The following CNBD1 variants were observed in gnomAD, a reference collection of about 807,000 sequenced individuals.
CNBD1 encodes the protein cyclic nucleotide-binding domain-containing protein 1.
CNBD1 carries 71 observed loss-of-function variants against 54.4 expected under a neutral mutation model. The ratio of observed to expected loss-of-function variants is 1.30; its 90% CI spans 1.08 to 1.59. The LOEUF (loss-of-function observed/expected upper bound fraction) is 1.59, where lower values mean the gene tolerates loss of function less well. Ranked by LOEUF, CNBD1 falls within the 40% of genes most tolerant of loss-of-function variation. The pLI, the probability that CNBD1 is intolerant of heterozygous loss-of-function variation, is 0.00. For synonymous variants in CNBD1, 182 were observed against 170.7 expected (o/e 1.07, Z -0.51); for missense variants, 659 against 518.0 (o/e 1.27, Z -2.64).
chr8:87,335,752 A>G (rs6468773), intron 8 of CNBD1, among the ~76,000 whole-genome samples: 143,891 of 152,242 alleles, frequency 0.95, 68,107 homozygotes, highest in East Asian at 1. Flanking sequence ...TCGTCATGAC[A>G]CTGGCTGGTT....
At chr8:87,191,159 G>T (rs1169181322) in intron 4 of CNBD1, among the ~76,000 whole-genome samples, 1 of 151,594 alleles carries the variant, frequency 6.6e-6, no homozygotes, top group African/African-American at 2.4e-5. Flanking sequence ...CAACAGTGTA[G>T]ACTTCAGTCT....
chr8:87,351,373 C>T (rs1810288140), intron 8 of CNBD1, among the ~76,000 whole-genome samples: 1 of 152,170 alleles, frequency 6.6e-6, no homozygotes. Flanking sequence ...TGGAACTCAG[C>T]AAATGCTACA....
At chr8:86,994,188 G>A (rs1175916984) in intron 4 of CNBD1, among the ~76,000 whole-genome samples, 3 of 152,200 alleles carry the variant, frequency 2.0e-5, no homozygotes, top group Non-Finnish European at 4.4e-5. Flanking sequence ...GGGGCAATGG[G>A]ATCAGGCCAT....
chr8:87,361,754 C>G (rs1810528530), intron 10 of CNBD1, among the ~76,000 whole-genome samples: 1 of 150,208 alleles, frequency 6.7e-6, no homozygotes. Flanking sequence ...TGTCATCCCC[C>G]AAGAAACTAC....
chr8:87,130,742 A>G (rs933095676), intron 4 of CNBD1, among the ~76,000 whole-genome samples: 4 of 151,354 alleles, frequency 2.6e-5, no homozygotes, highest in Non-Finnish European at 5.9e-5. Flanking sequence ...ACCTTACTGC[A>G]CTGTAGCTCA....
At chr8:87,137,111 ATATT>A (rs1812265989) in intron 4 of CNBD1, among the ~76,000 whole-genome samples, 1 of 78,520 alleles carries the variant, frequency 1.3e-5, no homozygotes, top group South Asian at 3.4e-4. Flanking sequence ...TAAATTATAT[ATATT>A]ATATTTTTAT....
At chr8:87,053,170 A>C (rs934154067) in intron 4 of CNBD1, among the ~76,000 whole-genome samples, 2 of 152,200 alleles carry the variant, frequency 1.3e-5, no homozygotes, top group African/African-American at 2.4e-5. Flanking sequence ...TGCAATGCTT[A>C]CAAAGATTTG....
intron 4 of CNBD1, among the ~76,000 whole-genome samples, chr8:86,971,752 A>T (rs980627995): frequency 6.6e-6 from 1 of 152,038 alleles, no homozygotes; most frequent in Non-Finnish European, 1.5e-5. Context: ...CTAACTAAGC[A>T]TTGTTAGGAT....
chr8:87,361,474 A>G (rs1810522826), intron 10 of CNBD1, among the ~76,000 whole-genome samples: 1 of 151,836 alleles, frequency 6.6e-6, no homozygotes, highest in Non-Finnish European at 1.5e-5. Flanking sequence ...ATAGCTTACC[A>G]TTAATAGATG....
Position 87,045,810 on chromosome 8 carries a change from C to T in CNBD1, c.431+106056C>T, listed in dbSNP as rs563602331. The stretch of plus-strand genomic sequence containing the variant: ...TAATCCCAGCACTTTAGGAGTCCGA[C>T]GTGGGCAGATCACGAGGTCAGGACA... On this transcript the variant is annotated intron_variant, in intron 4 of 10. Coordinates refer to ENST00000518476, the MANE Select transcript of CNBD1 (RefSeq NM_173538.3). Among the ~76,000 whole-genome samples the T allele has an allele frequency of 5.4e-5, 8 of 147,682 alleles. No homozygotes were observed. In the East Asian group the frequency reaches 1.6e-3, roughly 30 times the overall value.
chr8:87,404,867 TG>T (rs1807627196), intron 2 of CNBD1, among the ~76,000 whole-genome samples: 2 of 152,088 alleles, frequency 1.3e-5, no homozygotes, highest in Non-Finnish European at 1.5e-5. Context: ...TGAAATGTGA[TG>T]GAGCTACATT....
chr8:87,190,871 ATATAGATACATGTACG>A (rs1375370587), intron 4 of CNBD1, among the ~76,000 whole-genome samples: 3 of 138,962 alleles, frequency 2.2e-5, no homozygotes, highest in Admixed American at 7.1e-5. Flanking sequence ...ATCTAAATAG[ATATAGATACATGTACG>A]TATATCTATT....
chr8:87,237,162 T>C (rs1391229434), intron 6 of CNBD1, 50 bp downstream of exon 6: 1 of 1,179,436 alleles, frequency 8.5e-7, no homozygotes, highest in South Asian at 1.6e-5. Flanking sequence ...TAACGGGCTT[T>C]TGTAAAACTT....
intron 8 of CNBD1, among the ~76,000 whole-genome samples, chr8:87,313,669 C>T (rs560139096): frequency 1.3e-5 from 2 of 151,786 alleles, no homozygotes; most frequent in African/African-American, 2.4e-5. Context: ...AGATCTGATA[C>T]ATTACACTGT....
Position 87,125,570 on chromosome 8 carries a change from A to G in CNBD1, c.432-80423A>G, listed in dbSNP as rs559452250. 6.8e-4 allele frequency among the ~76,000 whole-genome samples: 104 copies of G among 151,960 alleles called. 1 individual carries two copies. Among genetic ancestry groups the G allele is most frequent in the African/African-American group, 2.3e-3 (97 of 41,522 alleles). On this transcript the variant is annotated intron_variant, in intron 4 of 10. Coordinates refer to ENST00000518476, the MANE Select transcript of CNBD1 (RefSeq NM_173538.3). ...TCTGAATAGTCAAATTCACTACAAA[A>G]ATGTTATTCACAAATTTCTTATTTT...
intron 10 of CNBD1, among the ~76,000 whole-genome samples, chr8:87,360,848 G>A (rs1002790904): frequency 1.3e-5 from 2 of 151,824 alleles, no homozygotes; most frequent in Non-Finnish European, 2.9e-5. Context: ...AAGGAAGAAT[G>A]CCTAAAGACT....
intron 8 of CNBD1, among the ~76,000 whole-genome samples, chr8:87,345,691 T>C (rs911250269): frequency 6.6e-6 from 1 of 152,058 alleles, no homozygotes; most frequent in Non-Finnish European, 1.5e-5. Flanking sequence ...AGAAAATTAA[T>C]GAAAATGCAA....
chr8:87,247,063 G>T (rs182621119), intron 6 of CNBD1, among the ~76,000 whole-genome samples: 36 of 152,144 alleles, frequency 2.4e-4, no homozygotes, highest in African/African-American at 8.2e-4. Flanking sequence ...CTTCACAAAG[G>T]TAGGATATTG....
intron 3 of CNBD1, among the ~76,000 whole-genome samples, chr8:86,936,584 C>G (rs1809552290): frequency 6.6e-6 from 1 of 151,676 alleles, no homozygotes; most frequent in Non-Finnish European, 1.5e-5. Flanking sequence ...ACTAAAAATG[C>G]AAAAAACAAT....
Sources: gnomAD v4.1 joint callset for allele counts (sites outside exome capture counted in the v4.1 genomes callset) on GRCh38, gnomAD v4.1.1 for gene constraint, MANE v1.5 for transcripts, NCBI Gene and HGNC (gene_info 2026-07-23, HGNC 2026-07-21) for gene names.